The following NPAS3 variants were observed in gnomAD, a reference collection of about 807,000 sequenced individuals.
NPAS3 encodes neuronal PAS domain protein 3, also known as neuronal PAS domain-containing protein 3.
In NPAS3, 14 loss-of-function variants were observed where a neutral mutation model predicts 73.1. That is an observed-to-expected ratio of 0.19 (90% confidence interval 0.13 to 0.30). NPAS3 has a LOEUF of 0.30. Among genes scored for constraint, NPAS3 ranks in the 10% least tolerant of loss-of-function variants. NPAS3 has a pLI of 1.00. For missense variants in NPAS3, 1,096 were observed against 1,250.0 expected (o/e 0.88, Z 1.86); for synonymous variants, 620 against 541.5 (o/e 1.14, Z -2.01).
At chr14:32,950,664 C>G (rs913890502) in intron 1 of NPAS3, among the ~76,000 whole-genome samples, 2 of 152,078 alleles carry the variant, frequency 1.3e-5, no homozygotes, top group African/African-American at 4.8e-5. Flanking sequence ...GTATTTACCT[C>G]AGAATGTTAA....
At chr14:33,569,500 G>A (rs2056110849) in intron 5 of NPAS3, among the ~76,000 whole-genome samples, 6 of 152,082 alleles carry the variant, frequency 3.9e-5, no homozygotes, top group Admixed American at 3.9e-4. Flanking sequence ...TTTCATCTAG[G>A]TTTTGGAGAA....
intron 3 of NPAS3, among the ~76,000 whole-genome samples, chr14:33,296,774 T>A (rs1272320498): frequency 6.6e-6 from 1 of 152,168 alleles, no homozygotes; most frequent in Non-Finnish European, 1.5e-5. Context: ...ATGACAAAGC[T>A]GTGGTCAAGA....
At chr14:33,459,507 A>G (rs2050163582) in intron 4 of NPAS3, among the ~76,000 whole-genome samples, 1 of 152,266 alleles carries the variant, frequency 6.6e-6, no homozygotes. Flanking sequence ...GTATTACTAC[A>G]TGAGCACTTA....
chr14:33,062,790 G>A (rs1042107534), intron 2 of NPAS3, among the ~76,000 whole-genome samples: 1 of 152,196 alleles, frequency 6.6e-6, no homozygotes. Context: ...TGATACTAAT[G>A]TGCTTGTGTC....
chr14:32,960,501 A>T (rs143187491), intron 1 of NPAS3, among the ~76,000 whole-genome samples: 1 of 152,224 alleles, frequency 6.6e-6, no homozygotes, highest in African/African-American at 2.4e-5. Context: ...AGAACACCAC[A>T]GTGGAATGTC....
At chr14:33,086,595 C>T (rs2042033071) in intron 2 of NPAS3, among the ~76,000 whole-genome samples, 1 of 152,160 alleles carries the variant, frequency 6.6e-6, no homozygotes, top group South Asian at 2.1e-4. Flanking sequence ...CAAGCACAAT[C>T]ACGTAAAATC....
chr14:33,405,254 G>A (rs61974964), intron 4 of NPAS3, among the ~76,000 whole-genome samples: 10,723 of 152,008 alleles, frequency 0.071, 440 homozygotes, highest in South Asian at 0.14. Context: ...GTATACCATG[G>A]TATAGAACAG....
chr14:33,769,416 G>T (rs531609032), intron 7 of NPAS3, among the ~76,000 whole-genome samples: 2 of 152,220 alleles, frequency 1.3e-5, no homozygotes, highest in South Asian at 4.1e-4. Flanking sequence ...GTCTATTGTC[G>T]TCATCGTCCT....
chr14:33,356,646 TGGG>T (rs2045350182), intron 3 of NPAS3, among the ~76,000 whole-genome samples: 1 of 152,184 alleles, frequency 6.6e-6, no homozygotes, highest in South Asian at 2.1e-4. Flanking sequence ...AGGGCATCTG[TGGG>T]GGGTGCTTGG....
In NPAS3 at chr14:33,797,590, C is replaced by A; in HGVS notation, c.1426+9C>A. On this transcript the variant is annotated intron_variant, in intron 11 of 11. Coordinates refer to ENST00000356141, the Ensembl canonical transcript of NPAS3. Reference sequence around the variant, plus strand: ...CACCTCAGGTATTACAGGTATTATTCCTTCTTTTCCATGTTCTTCAGTGAA... The same window carrying A: ...CACCTCAGGTATTACAGGTATTATTACTTCTTTTCCATGTTCTTCAGTGAA... 2 of 1,613,536 alleles carry A rather than the reference C, an allele frequency of 1.2e-6. No individual in the cohort carries two copies. The highest frequency in any genetic ancestry group is 2.2e-5 in the East Asian group (1 of 44,850).
Position 33,307,051 on chromosome 14 carries a change from A to G in NPAS3, c.386-60135A>G, listed in dbSNP as rs146523044. 4.9e-3 allele frequency among the ~76,000 whole-genome samples: 748 copies of G among 152,244 alleles called. 7 individuals are homozygous for G. The highest frequency in any genetic ancestry group is 0.017 in the African/African-American group (718 of 41,540). ...GTGTGACTAAGGCTCTGACCTGGCT[A>G]TTGCAGTGAAGGCTTTTTGAGGTGT... On this transcript the variant is annotated intron_variant, in intron 3 of 11. Transcript: ENST00000356141.
intron 4 of NPAS3, among the ~76,000 whole-genome samples, chr14:33,524,659 A>C (rs772364297): frequency 4.6e-5 from 7 of 152,174 alleles, no homozygotes; most frequent in Non-Finnish European, 8.8e-5. Flanking sequence ...GTTGGCTTAC[A>C]CAACAGAAAT....
At chr14:33,654,270 T>G (rs2059082211) in intron 5 of NPAS3, among the ~76,000 whole-genome samples, 1 of 152,160 alleles carries the variant, frequency 6.6e-6, no homozygotes, top group Admixed American at 6.5e-5. Context: ...GAAATCTAAT[T>G]CTTTTTCACA....
intron 5 of NPAS3, among the ~76,000 whole-genome samples, chr14:33,607,480 T>C (rs973822175): frequency 6.6e-6 from 1 of 150,874 alleles, no homozygotes; most frequent in Admixed American, 6.6e-5. Flanking sequence ...TGACAAAAAA[T>C]AGATTCAGTA....
In NPAS3 at chr14:33,588,291, C is replaced by T. The variant is rs74531136; in HGVS notation, c.558+28081C>T. Among the ~76,000 whole-genome samples the T allele has an allele frequency of 0.013, 2,010 of 152,194 alleles. 104 individuals carry two copies. The East Asian group carries it at 0.19, about 15-fold the overall frequency. ...AGGTGTGATATGAACATATTGTCTC[C>T]AAGACCAAACTTCCCTCTGTAATCC... is the stretch of plus-strand genomic sequence containing the variant. On this transcript the variant is annotated intron_variant, in intron 5 of 11. Coordinates refer to ENST00000356141, the Ensembl canonical transcript of NPAS3.
intron 2 of NPAS3, among the ~76,000 whole-genome samples, chr14:33,173,980 A>T (rs906597121): frequency 6.6e-6 from 1 of 152,224 alleles, no homozygotes; most frequent in African/African-American, 2.4e-5. Flanking sequence ...ACAAAAAAAC[A>T]GACAGACTTT....
At chr14:33,570,237 T>C (rs1364110628) in intron 5 of NPAS3, among the ~76,000 whole-genome samples, 1 of 152,238 alleles carries the variant, frequency 6.6e-6, no homozygotes, top group African/African-American at 2.4e-5. Context: ...AGATCGCTCC[T>C]AGTAAGCACA....
At chr14:33,381,810 G>T (rs1208252695) in intron 4 of NPAS3, among the ~76,000 whole-genome samples, 2 of 152,164 alleles carry the variant, frequency 1.3e-5, no homozygotes, top group African/African-American at 4.8e-5. Context: ...ACATTTTAAA[G>T]CTTGTCATTT....
chr14:33,158,412 AC>A (rs1195504793), intron 2 of NPAS3, among the ~76,000 whole-genome samples: 1 of 152,144 alleles, frequency 6.6e-6, no homozygotes, highest in Admixed American at 6.5e-5. Context: ...TGGTCTGGGT[AC>A]TAGCTAGAGA....
Sources: gnomAD v4.1 joint callset for allele counts (sites outside exome capture counted in the v4.1 genomes callset) on GRCh38, gnomAD v4.1.1 for gene constraint, MANE v1.5 for transcripts, NCBI Gene and HGNC (gene_info 2026-07-23, HGNC 2026-07-21) for gene names.